The following HACD3 variants were observed in gnomAD, a reference collection of about 807,000 sequenced individuals.
HACD3 encodes the protein 3-hydroxyacyl-CoA dehydratase 3.
A neutral mutation model predicts 55.2 loss-of-function variants in HACD3; 30 were observed. The observed-to-expected ratio is 0.54, with a 90% CI of 0.41 to 0.74. The LOEUF (loss-of-function observed/expected upper bound fraction) is 0.74. HACD3 is among the 30% of genes least tolerant of loss of function. The pLI is 0.00. For synonymous variants in HACD3, 141 were observed against 151.7 expected (o/e 0.93, Z 0.52); for missense variants, 363 against 440.1 (o/e 0.82, Z 1.57).
intron 4 of HACD3, among the ~76,000 whole-genome samples, chr15:65,558,391 C>T (rs7164255): frequency 0.049 from 7,405 of 152,286 alleles, 614 homozygotes; most frequent in African/African-American, 0.17. Context: ...GACAGATCTT[C>T]TGGATGTCCT....
intron 1 of HACD3, among the ~76,000 whole-genome samples, chr15:65,547,913 C>T (rs1475703642): frequency 1.3e-5 from 2 of 151,998 alleles, no homozygotes; most frequent in Middle Eastern, 3.2e-3. Flanking sequence ...TCAAGAGGGG[C>T]AGTTAAATGA....
chr15:65,574,996 CTTTT>C (rs1165532727), intron 10 of HACD3, among the ~76,000 whole-genome samples: 1 of 152,026 alleles, frequency 6.6e-6, no homozygotes, highest in Non-Finnish European at 1.5e-5. Flanking sequence ...GACTTAGTAT[CTTTT>C]TTTGTGTTGT....
At chr15:65,549,972 G>T (rs2072116621) in intron 1 of HACD3, among the ~76,000 whole-genome samples, 1 of 152,206 alleles carries the variant, frequency 6.6e-6, no homozygotes, top group African/African-American at 2.4e-5. Flanking sequence ...TCGATCCTCT[G>T]TAGTAGCTAT....
chr15:65,536,595 A>C (rs1254526765), intron 1 of HACD3, among the ~76,000 whole-genome samples: 1 of 152,124 alleles, frequency 6.6e-6, no homozygotes, highest in Non-Finnish European at 1.5e-5. Context: ...TCTCTACTAA[A>C]AATATACAAA....
At chr15:65,560,761 C>T (rs565427038) in intron 5 of HACD3, among the ~76,000 whole-genome samples, 2 of 149,838 alleles carry the variant, frequency 1.3e-5, no homozygotes, top group African/African-American at 5.0e-5. Context: ...TATGGTCCCA[C>T]CACTGCATTC....
intron 4 of HACD3, among the ~76,000 whole-genome samples, chr15:65,558,359 T>C (rs991693112): frequency 1.3e-5 from 2 of 152,206 alleles, no homozygotes; most frequent in African/African-American, 4.8e-5. Context: ...GCCTTAAACT[T>C]CTGTTTTATT....
At chr15:65,536,782 G>T (rs2071959483) in intron 1 of HACD3, among the ~76,000 whole-genome samples, 1 of 152,096 alleles carries the variant, frequency 6.6e-6, no homozygotes, top group African/African-American at 2.4e-5. Context: ...CCCTACAGTG[G>T]CTTCTAAGTG....
At chr15:65,561,567 T>C (rs1471579694) in intron 5 of HACD3, among the ~76,000 whole-genome samples, 1 of 152,156 alleles carries the variant, frequency 6.6e-6, no homozygotes, top group Non-Finnish European at 1.5e-5. Context: ...CCAGGTGTTA[T>C]GGAAAAAATA....
chr15:65,543,220 A>G lies in HACD3; in HGVS notation c.88-8456A>G, dbSNP rs964835726. Among the ~76,000 whole-genome samples, 5 of 152,320 alleles carry G rather than the reference A, an allele frequency of 3.3e-5. No individual in the cohort carries two copies. In the East Asian group the frequency reaches 5.8e-4, roughly 18 times the overall value. ...TTTGAACACAGTACTCTGGTACTTT[A>G]GTAGATCATGTCCTTTTTAAAAATC... On this transcript the variant is annotated intron_variant, in intron 1 of 10. Coordinates refer to ENST00000261875, the MANE Select transcript of HACD3 (RefSeq NM_016395.4).
chr15:65,560,103 C>G (rs1307590566), intron 5 of HACD3, among the ~76,000 whole-genome samples: 1 of 150,302 alleles, frequency 6.7e-6, no homozygotes, highest in African/African-American at 2.5e-5. Flanking sequence ...TCTTAAGATA[C>G]TGGGCTCAAG....
intron 1 of HACD3, among the ~76,000 whole-genome samples, chr15:65,548,374 A>G (rs138697854): frequency 6.6e-6 from 1 of 151,904 alleles, no homozygotes; most frequent in African/African-American, 2.4e-5. Context: ...TTAGCCAGGC[A>G]TGGTGATGTG....
chr15:65,576,338 C>A lies in HACD3; in HGVS notation c.1048C>A (p.Arg350Ser). Residue 350 changes from arginine to serine, a missense_variant, in exon 11 of 11, where the codon CGC (arginine) becomes AGC (serine). Physicochemically the swap from Arg to Ser is moderately radical, Grantham distance 110. Transcript: ENST00000261875. ...YINFRHLYKQRRRRYGQKKKK... is the reference protein window; with the variant it reads ...YINFRHLYKQSRRRYGQKKKK... ...AAATTTTCGTCACCTTTATAAACAGCGCAGACGGCGCTATGGACAAAAAAA... is the reference window on the plus strand; with the variant it reads ...AAATTTTCGTCACCTTTATAAACAGAGCAGACGGCGCTATGGACAAAAAAA... 1 of 1,602,760 alleles carries A rather than the reference C, an allele frequency of 6.2e-7. No individual in the cohort carries two copies. The highest frequency in any genetic ancestry group is 8.5e-7 in the Non-Finnish European group (1 of 1,174,568).
intron 3 of HACD3, 124 bp from the exon 4 acceptor site, chr15:65,556,615 C>A: frequency 2.9e-6 from 3 of 1,044,240 alleles, no homozygotes; most frequent in Non-Finnish European, 4.0e-6. Flanking sequence ...TGCATCAGGA[C>A]TTGCAGGACC....
At chr15:65,552,947 GT>G (rs1275998013) in intron 2 of HACD3, 1 of 151,118 alleles carries the variant, frequency 6.6e-6, no homozygotes, top group Non-Finnish European at 1.5e-5. Flanking sequence ...GCGGTGTTTG[GT>G]TTTTTGTTCT....
intron 1 of HACD3, among the ~76,000 whole-genome samples, chr15:65,534,050 CAAAAA>C (rs11298076): frequency 7.3e-6 from 1 of 136,840 alleles, no homozygotes. Flanking sequence ...GACTCCGTCT[CAAAAA>C]AAAAAAAAAA....
intron 1 of HACD3, among the ~76,000 whole-genome samples, chr15:65,543,514 A>T (rs961633199): frequency 6.6e-6 from 1 of 152,226 alleles, no homozygotes. Flanking sequence ...ACTGTAAAAG[A>T]TATAAATCTT....
intron 10 of HACD3, among the ~76,000 whole-genome samples, chr15:65,575,188 G>GTTTTTTTTT (rs1247642156): frequency 7.3e-6 from 1 of 137,274 alleles, no homozygotes; most frequent in African/African-American, 2.7e-5. Flanking sequence ...GGACTTTTTA[G>GTTTTTTTTT]TTTTTTTTTT....
chr15:65,542,686 G>C (rs1347742217), intron 1 of HACD3, among the ~76,000 whole-genome samples: 1 of 152,194 alleles, frequency 6.6e-6, no homozygotes, highest in Admixed American at 6.5e-5. Flanking sequence ...TGGTAAAGGA[G>C]GATGGGTTTG....
chr15:65,573,527 G>C (rs1338095306), intron 10 of HACD3, among the ~76,000 whole-genome samples: 1 of 151,112 alleles, frequency 6.6e-6, no homozygotes, highest in Non-Finnish European at 1.5e-5. Context: ...AGAATCGCTT[G>C]AACCCAGGAG....
Sources: gnomAD v4.1 joint callset for allele counts (sites outside exome capture counted in the v4.1 genomes callset) on GRCh38, gnomAD v4.1.1 for gene constraint, MANE v1.5 for transcripts, NCBI Gene and HGNC (gene_info 2026-07-23, HGNC 2026-07-21) for gene names.